The following NAV2 variants were observed in gnomAD, a reference collection of about 807,000 sequenced individuals.
NAV2 encodes the protein helicase, APC down-regulated 1.
A neutral mutation model predicts 223.2 loss-of-function variants in NAV2; 54 were observed. That is an observed-to-expected ratio of 0.24 (90% confidence interval 0.19 to 0.30). The LOEUF (loss-of-function observed/expected upper bound fraction) is 0.30. Ranked by LOEUF, NAV2 falls within the 10% of genes least tolerant of loss-of-function variation. The pLI is 1.00. For missense variants in NAV2, 2,806 were observed against 3,147.5 expected (o/e 0.89, Z 2.60); for synonymous variants, 1,279 against 1,239.3 (o/e 1.03, Z -0.67).
In NAV2 at chr11:19,432,616, C is replaced by T. The variant is rs570977994; in HGVS notation, c.75+81589C>T. Among the ~76,000 whole-genome samples, 11 of 152,194 alleles carry T rather than the reference C, an allele frequency of 7.2e-5. No individual in the cohort carries two copies. The South Asian group carries it at 1.0e-3, about 14-fold the overall frequency. ...CTGAGAAGACATGGAGCATGGAGAG[C>T]GAGGCAGTGGGGGAGTGGGTGGTAT... On this transcript the variant is annotated intron_variant, in intron 1 of 37. Transcript: ENST00000360655.
At chr11:20,107,536 C>T in intron 35 of NAV2, 128 bp from the exon 36 acceptor site, 1 of 719,914 alleles carries the variant, frequency 1.4e-6, no homozygotes, top group South Asian at 1.7e-5. Flanking sequence ...TGCGTTCAGG[C>T]CTCAGCCCTG....
At chr11:19,460,679 T>C (rs1178521489) in intron 1 of NAV2, among the ~76,000 whole-genome samples, 1 of 148,478 alleles carries the variant, frequency 6.7e-6, no homozygotes. Flanking sequence ...GGGATAGCAT[T>C]AGGAGATATA....
intron 1 of NAV2, among the ~76,000 whole-genome samples, chr11:19,739,762 G>C (rs566705806): frequency 6.6e-6 from 1 of 152,296 alleles, no homozygotes; most frequent in African/African-American, 2.4e-5. Flanking sequence ...GATGGAAACA[G>C]AGGAGACTGG....
At chr11:19,986,805 C>G (rs1253175843) in intron 11 of NAV2, among the ~76,000 whole-genome samples, 1 of 152,216 alleles carries the variant, frequency 6.6e-6, no homozygotes, top group Non-Finnish European at 1.5e-5. Context: ...ATTTTTATAA[C>G]TTCCAAAGTT....
At chr11:19,709,571 A>C (rs2049799023), upstream of NAV2, among the ~76,000 whole-genome samples, 1 of 140,466 alleles carries the variant, frequency 7.1e-6, no homozygotes, top group Admixed American at 7.1e-5. Flanking sequence ...AAAAAAAAAG[A>C]TATAAAAGGA....
chr11:20,073,752 G>A (rs11025375), intron 22 of NAV2, among the ~76,000 whole-genome samples: 38,854 of 152,022 alleles, frequency 0.26, 5,175 homozygotes, highest in East Asian at 0.46. Flanking sequence ...TCTGATGGTA[G>A]TTTGTATTTC....
rs1436689428 is a variant in NAV2 at position 19,785,714 on chromosome 11, G to A, written c.268-46770G>A. Among the ~76,000 whole-genome samples, 5 of 151,502 alleles carry A rather than the reference G, an allele frequency of 3.3e-5. No individual in the cohort carries two copies. The East Asian group carries it at 9.7e-4, about 29-fold the overall frequency. On this transcript the variant is annotated intron_variant, in intron 1 of 37. Coordinates refer to ENST00000349880, the MANE Select transcript of NAV2 (RefSeq NM_145117.5). The stretch of plus-strand genomic sequence containing the variant: ...GTCCACGGAGTAATGTCTGGCCACT[G>A]TATGGGGAGGAGTGGGAGCTATAGG...
intron 19 of NAV2, among the ~76,000 whole-genome samples, chr11:20,057,342 T>G (rs1382483264): frequency 6.6e-6 from 1 of 152,204 alleles, no homozygotes; most frequent in Non-Finnish European, 1.5e-5. Context: ...CTTGGTAACT[T>G]AATACTTTGC....
chr11:19,497,196 T>TTTACAGAA (rs1295299951), intron 1 of NAV2, among the ~76,000 whole-genome samples: 1 of 152,238 alleles, frequency 6.6e-6, no homozygotes, highest in Non-Finnish European at 1.5e-5. Context: ...CTTCTACTTC[T>TTTACAGAA]GTAAAATGGC....
chr11:20,006,913 G>A (rs1476353760), intron 11 of NAV2, among the ~76,000 whole-genome samples: 1 of 151,724 alleles, frequency 6.6e-6, no homozygotes, highest in African/African-American at 2.4e-5. Flanking sequence ...CATAATTGGT[G>A]GTAGAGCTGA....
intron 10 of NAV2, among the ~76,000 whole-genome samples, chr11:19,976,773 C>G (rs966376969): frequency 2.0e-5 from 3 of 152,326 alleles, no homozygotes; most frequent in Non-Finnish European, 4.4e-5. Flanking sequence ...GGTGCCCCTT[C>G]AACTGTGTGT....
At chr11:19,449,341 G>A (rs1033656435) in intron 1 of NAV2, among the ~76,000 whole-genome samples, 5 of 151,484 alleles carry the variant, frequency 3.3e-5, no homozygotes, top group African/African-American at 1.2e-4. Context: ...AGTTTGCAGT[G>A]AGCTGAGATC....
chr11:19,702,307 C>A (rs1367535026), intron 1 of NAV2, among the ~76,000 whole-genome samples: 2 of 152,152 alleles, frequency 1.3e-5, no homozygotes, highest in Non-Finnish European at 2.9e-5. Context: ...CAGATAACCT[C>A]CCTTTAACTA....
intron 1 of NAV2, among the ~76,000 whole-genome samples, chr11:19,696,513 T>G (rs111748511): frequency 1.3e-5 from 2 of 152,354 alleles, no homozygotes; most frequent in African/African-American, 4.8e-5. Context: ...ATCAACCGTA[T>G]TTACTAAGGC....
chr11:19,451,598 T>C lies in NAV2; in HGVS notation c.75+100571T>C, dbSNP rs144667341. Reference sequence around the variant, plus strand: ...TCGCAAATACTAAAATAATTACAGGTGACTTGGGTATTGCACATGAGAAGT... The same window carrying C: ...TCGCAAATACTAAAATAATTACAGGCGACTTGGGTATTGCACATGAGAAGT... On this transcript the variant is annotated intron_variant, in intron 1 of 37. Transcript: ENST00000360655. Among the ~76,000 whole-genome samples, 262 of 152,232 alleles carry C rather than the reference T, an allele frequency of 1.7e-3. 1 individual carries two copies. The highest frequency in any genetic ancestry group is 5.9e-3 in the African/African-American group (246 of 41,526).
At chr11:19,355,707 C>A (rs899180825) in intron 1 of NAV2, among the ~76,000 whole-genome samples, 1 of 152,156 alleles carries the variant, frequency 6.6e-6, no homozygotes, top group Non-Finnish European at 1.5e-5. Context: ...CCCTTGTTTC[C>A]ATTTCTCTTT....
chr11:19,805,427 G>A lies in NAV2; in HGVS notation c.268-27057G>A, dbSNP rs115174633. On this transcript the variant is annotated intron_variant, in intron 1 of 37. Transcript: ENST00000349880. ...GAGAATTTTGAGATGGGGGTTTGGC[G>A]TCCATGGCTTCTTCTATCTTTGGAA... Among the ~76,000 whole-genome samples, 458 of 152,236 alleles carry A rather than the reference G, an allele frequency of 3.0e-3. 2 individuals are homozygous for A. The highest frequency in any genetic ancestry group is 0.01 in the African/African-American group (436 of 41,534).
chr11:19,747,913 CT>C (rs1326342959), intron 1 of NAV2, among the ~76,000 whole-genome samples: 1 of 152,192 alleles, frequency 6.6e-6, no homozygotes, highest in Non-Finnish European at 1.5e-5. Flanking sequence ...CTTGGCCAGG[CT>C]GCTAGGCCTC....
At chr11:20,029,047 A>G (rs2055410199) in intron 11 of NAV2, among the ~76,000 whole-genome samples, 1 of 152,230 alleles carries the variant, frequency 6.6e-6, no homozygotes, top group African/African-American at 2.4e-5. Context: ...GCAATGAAAA[A>G]GCCCAGACAT....
Sources: gnomAD v4.1 joint callset for allele counts (sites outside exome capture counted in the v4.1 genomes callset) on GRCh38, gnomAD v4.1.1 for gene constraint, MANE v1.5 for transcripts, NCBI Gene and HGNC (gene_info 2026-07-23, HGNC 2026-07-21) for gene names.